CSAD: variants seen among roughly 807,000 people sequenced by gnomAD.
The protein encoded by CSAD is P-selectin cytoplasmic tail-associated protein.
CSAD carries 47 observed loss-of-function variants against 61.5 expected under a neutral mutation model. That is an observed-to-expected ratio of 0.76 (90% CI 0.60 to 0.97). CSAD has a LOEUF of 0.97. Among genes scored for constraint, CSAD ranks in the 50% least tolerant of loss-of-function variants. The pLI is 0.00. For missense variants in CSAD, 611 were observed against 643.6 expected (o/e 0.95, Z 0.55); for synonymous variants, 245 against 252.7 (o/e 0.97, Z 0.29).
intron 2 of CSAD, among the ~76,000 whole-genome samples, chr12:53,174,172 C>T (rs181527601): frequency 1.3e-5 from 2 of 151,586 alleles, no homozygotes; most frequent in Admixed American, 6.6e-5. Flanking sequence ...GGTGTGGTGG[C>T]GGGCCCCTGT....
Position 53,172,629 on chromosome 12 carries a change from G to T in CSAD, c.146C>A (p.Pro49His). Residue 49 changes from proline (P) to histidine (H), a missense_variant, in exon 5 of 17, where the codon CCT (proline) becomes CAT (histidine). Pro to His is a moderately conservative substitution (Grantham distance 77, BLOSUM62 -2). Transcript: ENST00000444623. The part of the protein sequence containing the change: ...VSQKVCEWKE[P>H]EELKQLLDLE... Reference sequence around the variant, plus strand: ...ATCCAGCAGCTGCTTCAGCTCCTCAGGCTCCTTCCACTCACAGACCTAGGA... The same window carrying T: ...ATCCAGCAGCTGCTTCAGCTCCTCATGCTCCTTCCACTCACAGACCTAGGA... 1 of 1,608,070 alleles carries T rather than the reference G, an allele frequency of 6.2e-7. No individual in the cohort carries two copies. Among genetic ancestry groups the T allele is most frequent in the East Asian group, 2.2e-5 (1 of 44,630 alleles).
chr12:53,173,908 A>C, intron 2 of CSAD, 138 bp from the exon 3 acceptor site: 2 of 812,292 alleles, frequency 2.5e-6, no homozygotes, highest in Non-Finnish European at 4.0e-6. Flanking sequence ...CCAAAAAAAA[A>C]CCTCAGTAGC....
intron 8 of CSAD, chr12:53,170,743 AAG>A: frequency 2.0e-6 from 1 of 509,962 alleles, no homozygotes; most frequent in Non-Finnish European, 3.5e-6. Context: ...TTTTGGAGAC[AAG>A]AGTCTCCCTC....
At chr12:53,178,926 TCAC>T (rs1343777212) in intron 2 of CSAD, among the ~76,000 whole-genome samples, 173 bp downstream of exon 2, 1 of 152,236 alleles carries the variant, frequency 6.6e-6, no homozygotes, top group Non-Finnish European at 1.5e-5. Context: ...GACTCTCGCC[TCAC>T]CACAACTCCC....
At position 53,160,281 on chromosome 12, in the gene CSAD, G is replaced by A; in HGVS notation, c.1005C>T (p.Tyr335=). The change falls in exon 14 of 17, where the codon TAC becomes TAT. Residue 335 remains tyrosine (Y), a synonymous_variant. Coordinates refer to ENST00000444623, the MANE Select transcript of CSAD (RefSeq NM_001244705.2). ...CGTAGAACTTGTCCTGCTGGAAAAG[G>A]TAGCTGGCCTGGGACCCATGGCAGC... ...LKRCHGSQAS[Y]LFQQDKFYDV... is the part of the protein sequence containing the mutation. 6.2e-7 allele frequency: 1 copy of A among 1,614,218 alleles called. No individual in the cohort carries two copies. The highest frequency in any genetic ancestry group is 8.5e-7 in the Non-Finnish European group (1 of 1,180,034).
At position 53,159,675 on chromosome 12, in the gene CSAD, G is replaced by A. The variant is rs140401098; in HGVS notation, c.1256C>T (p.Pro419Leu). The change falls in exon 16 of 17, where the codon CCC becomes CTC. Residue 419 changes from proline (P) to leucine (L), a missense_variant. Transcript: ENST00000444623. ...FVNVCFWFVP[P>L]SLRGKQESPD... ...ACTCTCCTGCTTCCCTCGCAGGCTG[G>A]GGGGTACGAACCAGAAACACACATT... 5.0e-6 allele frequency: 8 copies of A among 1,611,580 alleles called. No homozygotes were observed. The highest frequency in any genetic ancestry group is 6.8e-6 in the Non-Finnish European group (8 of 1,178,944).
chr12:53,169,378 C>T (rs895991616), intron 10 of CSAD, among the ~76,000 whole-genome samples: 8 of 151,306 alleles, frequency 5.3e-5, no homozygotes, highest in African/African-American at 1.7e-4. Flanking sequence ...ACTTGGGAGG[C>T]TAAGGCAGAG....
intron 14 of CSAD, 74 bp downstream of exon 14, chr12:53,160,046 G>C: frequency 6.2e-7 from 1 of 1,602,012 alleles, no homozygotes; most frequent in Non-Finnish European, 8.5e-7. Context: ...AAGTAATCCC[G>C]GGAGCAGGAA....
chr12:53,174,377 G>A (rs1258717847), intron 2 of CSAD, among the ~76,000 whole-genome samples: 1 of 151,700 alleles, frequency 6.6e-6, no homozygotes, highest in East Asian at 1.9e-4. Flanking sequence ...TTCATTTGTG[G>A]CTATTTCTGG....
At chr12:53,175,629 T>A (rs1455632227) in intron 2 of CSAD, among the ~76,000 whole-genome samples, 2 of 152,224 alleles carry the variant, frequency 1.3e-5, no homozygotes, top group African/African-American at 4.8e-5. Context: ...TTAGTTTCCA[T>A]CTTCTTGATT....
intron 8 of CSAD, chr12:53,170,722 GTTT>G (rs71095994): frequency 3.0e-4 from 133 of 447,834 alleles, no homozygotes; most frequent in Middle Eastern, 1.3e-3. Flanking sequence ...GCATTTGTTT[GTTT>G]TTTTTTTTTT....
Position 53,170,119 on chromosome 12 carries a change from T to C in CSAD, c.655A>G (p.Met219Val). The part of the protein sequence containing the change: ...RVVKADERGK[M>V]VPEDLERQIG... ...TGCCTCTCCAGATCCTCGGGGACCA[T>C]TTTCCCTCTGAAAAAGAAAATGCAG... Residue 219 changes from methionine to valine, a missense_variant, in exon 10 of 17, where the codon ATG becomes GTG. By Grantham distance (21) the Met-to-Val change is conservative. Coordinates refer to ENST00000444623, the MANE Select transcript of CSAD (RefSeq NM_001244705.2). 1 of 1,613,264 alleles carries C rather than the reference T, an allele frequency of 6.2e-7. No individual in the cohort carries two copies. Among genetic ancestry groups the C allele is most frequent in the Non-Finnish European group, 8.5e-7 (1 of 1,179,416 alleles).
chr12:53,158,589 A>G lies in CSAD; in HGVS notation c.1404T>C (p.Val468=). ...CACAGGTCAGTGCAGAGTTGGCCAC[A>G]ACCACACGGAAGAAGTTGCCCCGGG... ...HGTRGNFFRV[V]VANSALTCAD... Residue 468 remains valine (V), a synonymous_variant, in exon 17 of 17, where the codon GTT becomes GTC. Transcript: ENST00000444623. 1.9e-6 allele frequency: 3 copies of G among 1,613,166 alleles called. No homozygotes were observed. Among genetic ancestry groups the G allele is most frequent in the South Asian group, 1.1e-5 (1 of 91,082 alleles).
chr12:53,171,281 G>A (rs374363408), intron 8 of CSAD, 45 bp downstream of exon 8: 2 of 1,612,804 alleles, frequency 1.2e-6, no homozygotes, highest in African/African-American at 2.7e-5. Flanking sequence ...GCTGGCTGGA[G>A]ATTAGAATCA....
rs751740191 is a variant in CSAD at position 53,172,585 on chromosome 12, C to T, written c.190G>A (p.Gly64Ser). Residue 64 changes from glycine to serine, a missense_variant, in exon 5 of 17, where the codon GGC (glycine) becomes AGC (serine). By Grantham distance (56) the Gly-to-Ser change is moderately conservative. Transcript: ENST00000444623. ...QLLDLELRSQ[G>S]ESQKQILERC... ...TCCAGGATCTGCTTCTGTGACTCGCCCTGGCTCCGCAGCTCCAAATCCAGC... is the reference window on the plus strand; with the variant it reads ...TCCAGGATCTGCTTCTGTGACTCGCTCTGGCTCCGCAGCTCCAAATCCAGC... 8 of 1,612,282 alleles carry T rather than the reference C, an allele frequency of 5.0e-6. No individual in the cohort carries two copies. The highest frequency in any genetic ancestry group is 6.8e-6 in the Non-Finnish European group (8 of 1,179,414).
chr12:53,159,625 T>C lies in CSAD; in HGVS notation c.1306A>G (p.Lys436Glu), dbSNP rs1314923882. Residue 436 changes from lysine to glutamate, a missense_variant and splice_region_variant, in exon 16 of 17, where the codon AAG becomes GAG. Lys to Glu is a moderately conservative substitution (Grantham distance 56, BLOSUM62 1). Coordinates refer to ENST00000444623, the MANE Select transcript of CSAD (RefSeq NM_001244705.2). ...AGAGAGCAGCACAGCACGCCTACCT[T>C]TGACAGCCTTTCGTGGTAATCTGGA... ...ESPDYHERLS[K>E]VAPVLKERMV... 1.2e-6 allele frequency: 2 copies of C among 1,609,654 alleles called. No individual in the cohort carries two copies. Among genetic ancestry groups the C allele is most frequent in the African/African-American group, 1.3e-5 (1 of 74,858 alleles).
intron 1 of CSAD, chr12:53,180,452 C>T (rs1199876491): frequency 8.4e-7 from 1 of 1,188,610 alleles, no homozygotes; most frequent in East Asian, 7.3e-5. Context: ...CATCGAAGGG[C>T]CGAGGGTCCT....
intron 2 of CSAD, among the ~76,000 whole-genome samples, chr12:53,175,816 A>G (rs971618093): frequency 6.6e-6 from 1 of 152,214 alleles, no homozygotes; most frequent in African/African-American, 2.4e-5. Context: ...CTTCTCATTT[A>G]TTATCTTATT....
intron 6 of CSAD, 51 bp downstream of exon 6, chr12:53,172,295 T>C (rs377462950): frequency 6.5e-7 from 1 of 1,533,510 alleles, no homozygotes; most frequent in Non-Finnish European, 9.0e-7. Flanking sequence ...GGCACCTCTC[T>C]AGCAAACCTA....
Sources: allele counts gnomAD v4.1 joint callset (sites outside exome capture counted in the v4.1 genomes callset), GRCh38; gene constraint gnomAD v4.1.1; transcripts MANE v1.5; gene names NCBI Gene and HGNC (gene_info 2026-07-23, HGNC 2026-07-21).